The following LRMDA variants were observed in gnomAD, a reference collection of about 807,000 sequenced individuals.
LRMDA encodes the protein leucine-rich melanocyte differentiation-associated protein.
A neutral mutation model predicts 29.8 loss-of-function variants in LRMDA; 18 were observed. The observed-to-expected ratio is 0.60, with a 90% CI of 0.42 to 0.90. The LOEUF is 0.90. Ranked by LOEUF, LRMDA falls within the 40% of genes least tolerant of loss-of-function variation. The pLI, the probability that LRMDA is intolerant of heterozygous loss-of-function variation, is 0.00. For missense variants in LRMDA, 273 were observed against 273.9 expected, an observed-to-expected ratio of 1.00 and a Z score of 0.02; for synonymous variants, 125 against 109.4, an observed-to-expected ratio of 1.14 and a Z score of -0.89.
At chr10:75,468,366 A>C (rs1844684539) in intron 2 of LRMDA, among the ~76,000 whole-genome samples, 1 of 152,078 alleles carries the variant, frequency 6.6e-6, no homozygotes, top group African/African-American at 2.4e-5. Context: ...TGCTATCTTC[A>C]TTTCTTTGTT....
chr10:76,180,695 C>T (rs1226896924), intron 5 of LRMDA, among the ~76,000 whole-genome samples: 1 of 152,152 alleles, frequency 6.6e-6, no homozygotes, highest in African/African-American at 2.4e-5. Flanking sequence ...GAAATAAAGT[C>T]CCCTTTACCC....
At chr10:76,196,290 A>G (rs1851330220) in intron 5 of LRMDA, among the ~76,000 whole-genome samples, 1 of 152,222 alleles carries the variant, frequency 6.6e-6, no homozygotes, top group Non-Finnish European at 1.5e-5. Context: ...CTTATTGTCT[A>G]ATTTCTTCAG....
chr10:75,786,089 G>A lies in LRMDA; in HGVS notation c.132-249919G>A, dbSNP rs987168434. On this transcript the variant is annotated intron_variant, in intron 2 of 6. Coordinates refer to ENST00000611255, the MANE Select transcript of LRMDA (RefSeq NM_001305581.2). ...TCAATTTCACTGCATGCGATATGCT[G>A]GAAAAGAGATATCTTAGCCCAAGGG... Among the ~76,000 whole-genome samples the A allele has an allele frequency of 2.0e-5, 3 of 152,190 alleles. 1 individual carries two copies. In the South Asian group the frequency reaches 6.2e-4, roughly 32 times the overall value.
intron 5 of LRMDA, among the ~76,000 whole-genome samples, chr10:76,317,097 T>C (rs1156747523): frequency 2.0e-5 from 3 of 152,152 alleles, no homozygotes; most frequent in Non-Finnish European, 4.4e-5. Flanking sequence ...AGGGCTCCAA[T>C]GCAGAGAGAG....
At chr10:75,567,075 T>C (rs1055760463) in intron 2 of LRMDA, among the ~76,000 whole-genome samples, 2 of 152,212 alleles carry the variant, frequency 1.3e-5, no homozygotes, top group East Asian at 1.9e-4. Context: ...TCCTGAACCA[T>C]CTAAGAGCCT....
At chr10:76,543,316 CTGTGTGTGTGTGTGTGTGTGTGTGTG>C (rs71028203) in intron 6 of LRMDA, among the ~76,000 whole-genome samples, 2 of 144,122 alleles carry the variant, frequency 1.4e-5, no homozygotes, top group Non-Finnish European at 3.0e-5. Flanking sequence ...TGGGGTGTGC[CTGTGTGTGTGTGTGTGTGTGTGTGTG>C]TGTGTGTGTG....
At chr10:76,306,915 A>G (rs1275731936) in intron 5 of LRMDA, among the ~76,000 whole-genome samples, 1 of 152,190 alleles carries the variant, frequency 6.6e-6, no homozygotes, top group Non-Finnish European at 1.5e-5. Context: ...GTAATTAAAT[A>G]TACTGTATTA....
At chr10:76,347,996 G>A (rs558056723) in intron 6 of LRMDA, among the ~76,000 whole-genome samples, 12 of 152,176 alleles carry the variant, frequency 7.9e-5, no homozygotes, top group African/African-American at 9.6e-5. Flanking sequence ...TCCCTCAGGC[G>A]AGTACTAGGA....
chr10:76,071,697 G>T (rs1262290734), intron 5 of LRMDA, among the ~76,000 whole-genome samples: 1 of 152,200 alleles, frequency 6.6e-6, no homozygotes, highest in Non-Finnish European at 1.5e-5. Context: ...GCTACAAACA[G>T]TTCACTGTGT....
At chr10:75,455,985 TA>T (rs1391674205) in intron 2 of LRMDA, among the ~76,000 whole-genome samples, 5 of 152,052 alleles carry the variant, frequency 3.3e-5, no homozygotes, top group African/African-American at 1.2e-4. Flanking sequence ...GAGAACAGGG[TA>T]AGTTTCTTCC....
intron 2 of LRMDA, among the ~76,000 whole-genome samples, chr10:75,526,858 CAA>C (rs57071985): frequency 0.011 from 1,492 of 133,596 alleles, 19 homozygotes; most frequent in African/African-American, 0.033. Flanking sequence ...GGCCCTATCT[CAA>C]AAAAAAAAAA....
chr10:75,575,966 G>GTT lies in LRMDA; in HGVS notation c.131+137486_131+137487dup, dbSNP rs796940224. ...GGCAGACACCGAGCTAGCCACAGGA[G>GTT]TTTTTTTTTTTTTTTCACTCCTCAG... On this transcript the variant is annotated intron_variant, in intron 2 of 6. Coordinates refer to ENST00000611255, the MANE Select transcript of LRMDA (RefSeq NM_001305581.2). Among the ~76,000 whole-genome samples, 1,019 of 141,588 alleles carry GTT rather than the reference G, an allele frequency of 7.2e-3. 17 individuals carry two copies. Among genetic ancestry groups the GTT allele is most frequent in the African/African-American group, 0.024 (925 of 38,682 alleles). The allele number at this position is 141,588 out of a possible 152,430, so 92.9% of individuals were successfully genotyped here. A position where few individuals can be genotyped will look rare whatever the true frequency, so the allele number is the denominator to read the frequency against.
chr10:75,497,414 C>T (rs1248060795), intron 2 of LRMDA, among the ~76,000 whole-genome samples: 1 of 152,008 alleles, frequency 6.6e-6, no homozygotes, highest in Non-Finnish European at 1.5e-5. Flanking sequence ...ACATCAGTAT[C>T]CCTCACCCTG....
intron 2 of LRMDA, among the ~76,000 whole-genome samples, chr10:75,685,678 A>G (rs1842073053): frequency 6.6e-6 from 1 of 152,366 alleles, no homozygotes; most frequent in African/African-American, 2.4e-5. Flanking sequence ...TAATTTCAGC[A>G]TCATGTCATA....
At chr10:76,408,569 C>T (rs1841926531) in intron 6 of LRMDA, among the ~76,000 whole-genome samples, 1 of 152,122 alleles carries the variant, frequency 6.6e-6, no homozygotes, top group Non-Finnish European at 1.5e-5. Flanking sequence ...GCAGAGATTG[C>T]TCATTTATAT....
intron 6 of LRMDA, among the ~76,000 whole-genome samples, chr10:76,516,865 G>A (rs973857750): frequency 5.2e-4 from 79 of 152,108 alleles, no homozygotes; most frequent in African/African-American, 1.9e-3. Flanking sequence ...CCCAGTAATG[G>A]GATGGCTGGG....
At chr10:76,054,686 T>C (rs1848581457) in intron 4 of LRMDA, among the ~76,000 whole-genome samples, 1 of 151,658 alleles carries the variant, frequency 6.6e-6, no homozygotes, top group South Asian at 2.1e-4. Flanking sequence ...TGTCTGTACA[T>C]GTCTTTATTT....
intron 2 of LRMDA, among the ~76,000 whole-genome samples, chr10:75,839,279 G>C (rs556224161): frequency 6.6e-6 from 1 of 152,164 alleles, no homozygotes; most frequent in Non-Finnish European, 1.5e-5. Flanking sequence ...AGAAGAGAGT[G>C]GAGCAAACAG....
chr10:76,382,683 G>A (rs1460663117), intron 6 of LRMDA, among the ~76,000 whole-genome samples: 1 of 152,122 alleles, frequency 6.6e-6, no homozygotes, highest in Non-Finnish European at 1.5e-5. Context: ...ACATTTTTGT[G>A]GGGTGAGTCT....
Sources: allele counts gnomAD v4.1 joint callset (sites outside exome capture counted in the v4.1 genomes callset), GRCh38; gene constraint gnomAD v4.1.1; transcripts MANE v1.5; gene names NCBI Gene and HGNC (gene_info 2026-07-23, HGNC 2026-07-21).